RAVER2: variants seen among roughly 807,000 people sequenced by gnomAD.
RAVER2 encodes ribonucleoprotein, PTB binding 2.
RAVER2 carries 46 observed loss-of-function variants against 78.1 expected under a neutral mutation model. The observed-to-expected ratio is 0.59, with a 90% CI of 0.46 to 0.75. RAVER2 has a LOEUF of 0.75. Among genes scored for constraint, RAVER2 ranks in the 30% least tolerant of loss-of-function variants. The pLI is 0.00. For missense variants in RAVER2, 793 were observed against 837.5 expected, an observed-to-expected ratio of 0.95 and a Z score of 0.66; for synonymous variants, 311 against 313.3, an observed-to-expected ratio of 0.99 and a Z score of 0.08.
At chr1:64,823,556 G>A (rs1275369431) in intron 11 of RAVER2, among the ~76,000 whole-genome samples, 1 of 152,162 alleles carries the variant, frequency 6.6e-6, no homozygotes, top group African/African-American at 2.4e-5. Flanking sequence ...GTCCTTCTAT[G>A]TCAAATGGTT....
chr1:64,828,923 G>A (rs531700043), intron 11 of RAVER2, among the ~76,000 whole-genome samples: 2 of 152,268 alleles, frequency 1.3e-5, no homozygotes, highest in East Asian at 3.9e-4. Context: ...ATCATACCAT[G>A]TCTGTCTCTT....
rs965061254 is a variant in RAVER2, at chr1:64,745,471, C to A, written c.249+50C>A. On this transcript the variant is annotated intron_variant, in intron 1 of 11. Transcript: ENST00000294428. The surrounding 1 kb of genome is among the most constrained non-coding windows in gnomAD (Gnocchi z 4.3). ...CGCGTCCCGAGGGGCGGCGGGGCGGCGCTCCGTGTCCAGGCTGGGATCGGG... is the reference window on the plus strand; with the variant it reads ...CGCGTCCCGAGGGGCGGCGGGGCGGAGCTCCGTGTCCAGGCTGGGATCGGG... 3 of 1,472,016 alleles carry A rather than the reference C, an allele frequency of 2.0e-6. No individual in the cohort carries two copies. The highest frequency in any genetic ancestry group is 1.2e-5 in the South Asian group (1 of 81,558). The allele number at this position is 1,472,016 out of a possible 1,614,324, so 91.2% of individuals were successfully genotyped here.
chr1:64,807,615 A>T, intron 9 of RAVER2, 141 bp downstream of exon 9: 1 of 976,832 alleles, frequency 1.0e-6, no homozygotes, highest in South Asian at 2.8e-5. Context: ...ATTGAAGAAA[A>T]CATTGCATTC....
chr1:64,764,651 C>A (rs1035408063), intron 1 of RAVER2, among the ~76,000 whole-genome samples: 8 of 152,146 alleles, frequency 5.3e-5, no homozygotes, highest in Non-Finnish European at 8.8e-5. Flanking sequence ...ATACAGTTAA[C>A]AACAAAAGGT....
intron 11 of RAVER2, among the ~76,000 whole-genome samples, chr1:64,824,127 A>G (rs1182667042): frequency 1.3e-5 from 2 of 152,044 alleles, no homozygotes; most frequent in Non-Finnish European, 2.9e-5. Flanking sequence ...TTTTCATTTA[A>G]CACTTGCCAT....
intron 2 of RAVER2, among the ~76,000 whole-genome samples, chr1:64,776,229 T>A: frequency 6.6e-6 from 1 of 152,026 alleles, no homozygotes; most frequent in East Asian, 1.9e-4. Flanking sequence ...AGACATAGAA[T>A]CAAAATCAAG....
intron 11 of RAVER2, among the ~76,000 whole-genome samples, chr1:64,825,517 C>T (rs1464311779): frequency 6.6e-6 from 1 of 152,130 alleles, no homozygotes; most frequent in Non-Finnish European, 1.5e-5. Flanking sequence ...AGAAGAACAA[C>T]AATAATAAAT....
At position 64,776,578 on chromosome 1, in the gene RAVER2, A is replaced by T. The variant is rs573893429; in HGVS notation, c.317-1045A>T. On this transcript the variant is annotated intron_variant, in intron 2 of 11. Transcript: ENST00000294428. ...TATTTGCTGTATACAACATATTGTC[A>T]TGCAGTTCTAATTGAATTTGGGTAA... Among the ~76,000 whole-genome samples the T allele has an allele frequency of 1.3e-5, 2 of 152,188 alleles. 1 individual carries two copies. Among genetic ancestry groups the T allele is most frequent in the African/African-American group, 4.8e-5 (2 of 41,452 alleles).
intron 1 of RAVER2, among the ~76,000 whole-genome samples, chr1:64,759,724 G>T (rs1356153689): frequency 2.0e-5 from 3 of 151,948 alleles, no homozygotes; most frequent in Admixed American, 1.3e-4. Flanking sequence ...CACTGTGTTA[G>T]CCAGGATGGT....
chr1:64,753,770 C>A (rs1289256633), intron 1 of RAVER2, among the ~76,000 whole-genome samples: 1 of 152,070 alleles, frequency 6.6e-6, no homozygotes, highest in East Asian at 1.9e-4. Flanking sequence ...GATCTGCCCA[C>A]CTCGGCCTCC....
At chr1:64,801,639 G>A (rs1653270199) in intron 5 of RAVER2, among the ~76,000 whole-genome samples, 1 of 151,452 alleles carries the variant, frequency 6.6e-6, no homozygotes, top group South Asian at 2.1e-4. Context: ...GGAGGCCAAG[G>A]CAGGTGGATC....
chr1:64,804,602 T>G (rs1036722228), intron 6 of RAVER2, 132 bp from the exon 7 acceptor site: 13 of 510,358 alleles, frequency 2.5e-5, no homozygotes, highest in Non-Finnish European at 4.6e-5. Context: ...TCTGATAAGT[T>G]GGAGAGTGAA....
intron 9 of RAVER2, among the ~76,000 whole-genome samples, chr1:64,809,760 AT>A (rs1332183444): frequency 6.6e-6 from 1 of 151,994 alleles, no homozygotes; most frequent in African/African-American, 2.4e-5. Flanking sequence ...ATAACTCTCC[AT>A]TTTCTTCTCC....
chr1:64,745,267 G>A lies in RAVER2; in HGVS notation c.95G>A (p.Gly32Asp). The A allele has an allele frequency of 7.5e-7, 1 of 1,341,352 alleles. No homozygotes were observed. The highest frequency in any genetic ancestry group is 9.6e-7 in the Non-Finnish European group (1 of 1,039,456). 83.1% of individuals were successfully genotyped at this position (1,341,352 alleles called of 1,614,324 possible). The change falls in exon 1 of 12, where the codon GGC (glycine) becomes GAC (aspartate). Residue 32 changes from glycine (G) to aspartate (D), a missense_variant. By Grantham distance (94) the Gly-to-Asp change is moderately conservative. Transcript: ENST00000294428. This position sits in a 1 kb window ranked among gnomAD's most constrained non-coding sequence, Gnocchi z 4.3. ...CCGGGGCCGGGGCTGCGCGGGCAGGGCCCCTCAGCCGAAGCGCACGAGGGC... is the reference window on the plus strand; with the variant it reads ...CCGGGGCCGGGGCTGCGCGGGCAGGACCCCTCAGCCGAAGCGCACGAGGGC...
Position 64,745,520 on chromosome 1 carries a change from A to T in RAVER2, c.249+99A>T. 7.5e-7 allele frequency: 1 copy of T among 1,324,884 alleles called. No individual in the cohort carries two copies. Among genetic ancestry groups the T allele is most frequent in the Non-Finnish European group, 9.8e-7 (1 of 1,019,654 alleles). 82.1% of individuals were successfully genotyped at this position (1,324,884 alleles called of 1,614,324 possible). A position where few individuals can be genotyped will look rare whatever the true frequency, so the allele number is the denominator to read the frequency against. On this transcript the variant is annotated intron_variant, in intron 1 of 11. Transcript: ENST00000294428. This position sits in a 1 kb window ranked among gnomAD's most constrained non-coding sequence, Gnocchi z 4.3. Reference sequence around the variant, plus strand: ...GGGGCGCCTCAGAGCGGTCCTGGGGAGTGGGTCGGCGCCGAGTGGTGAGAG... The same window carrying T: ...GGGGCGCCTCAGAGCGGTCCTGGGGTGTGGGTCGGCGCCGAGTGGTGAGAG...
intron 4 of RAVER2, among the ~76,000 whole-genome samples, chr1:64,788,429 G>A (rs1199304999): frequency 1.3e-5 from 2 of 151,876 alleles, no homozygotes; most frequent in Admixed American, 6.6e-5. Flanking sequence ...CCGAGATCGC[G>A]CCACTGCACT....
chr1:64,749,279 C>T (rs377746740), intron 1 of RAVER2, among the ~76,000 whole-genome samples: 3 of 152,116 alleles, frequency 2.0e-5, no homozygotes, highest in African/African-American at 7.2e-5. Flanking sequence ...GGTGTGACCT[C>T]GGCTCACTGC....
At chr1:64,804,224 T>A (rs931639043) in intron 6 of RAVER2, among the ~76,000 whole-genome samples, 1 of 152,202 alleles carries the variant, frequency 6.6e-6, no homozygotes, top group Non-Finnish European at 1.5e-5. Flanking sequence ...CCTTGAATCT[T>A]CCAGGCTAAA....
rs1316897711 is a variant in RAVER2, at chr1:64,762,253, C to A, written c.250-6403C>A. ...TCTACACTGAAGACTATAAATATTT[C>A]AGAGAAGAATTTAAGAAGACCTAAA... On this transcript the variant is annotated intron_variant, in intron 1 of 11. Coordinates refer to ENST00000294428, the Ensembl canonical transcript of RAVER2. 2.6e-5 allele frequency among the ~76,000 whole-genome samples: 4 copies of A among 152,086 alleles called. No homozygotes were observed. The South Asian group carries it at 6.2e-4, about 24-fold the overall frequency.
Sources: allele counts gnomAD v4.1 joint callset (sites outside exome capture counted in the v4.1 genomes callset), GRCh38; gene constraint gnomAD v4.1.1; non-coding constraint Gnocchi (gnomAD v3.1); transcripts MANE v1.5; gene names NCBI Gene and HGNC (gene_info 2026-07-23, HGNC 2026-07-21).